Variants in FRMD3 observed in about 807,000 individuals in gnomAD.
FRMD3 encodes FERM domain containing 3.
Under a neutral mutation model 70.2 loss-of-function variants are expected in FRMD3, and 33 were observed. The observed-to-expected ratio is 0.47, with a 90% CI of 0.36 to 0.63. The LOEUF (loss-of-function observed/expected upper bound fraction) is 0.63, where lower values mean the gene tolerates loss of function less well. Among genes scored for constraint, FRMD3 ranks in the 20% least tolerant of loss-of-function variants. The pLI, the probability that FRMD3 is intolerant of heterozygous loss-of-function variation, is 0.00. For missense variants in FRMD3, 632 were observed against 711.4 expected (o/e 0.89, Z 1.27); for synonymous variants, 279 against 255.9 (o/e 1.09, Z -0.86).
chr9:83,392,449 G>A (rs1331355664), intron 1 of FRMD3, among the ~76,000 whole-genome samples: 1 of 152,130 alleles, frequency 6.6e-6, no homozygotes, highest in African/African-American at 2.4e-5. Flanking sequence ...GGAGTCAGGT[G>A]CATGAGGGGC....
intron 1 of FRMD3, among the ~76,000 whole-genome samples, chr9:83,471,353 T>C (rs535565697): frequency 2.0e-5 from 3 of 152,342 alleles, no homozygotes; most frequent in South Asian, 2.1e-4. Flanking sequence ...CAGGCAACTA[T>C]CTTCACGGCT....
chr9:83,521,793 C>T (rs1380853233), intron 1 of FRMD3, among the ~76,000 whole-genome samples: 1 of 152,242 alleles, frequency 6.6e-6, no homozygotes, highest in East Asian at 1.9e-4. Context: ...TAATGCATTT[C>T]TTTCAGTTCC....
chr9:83,459,167 G>A (rs1418787851), intron 1 of FRMD3, among the ~76,000 whole-genome samples: 1 of 152,220 alleles, frequency 6.6e-6, no homozygotes, highest in Non-Finnish European at 1.5e-5. Context: ...ATTGAGTCTT[G>A]TAGAGAATCA....
intron 8 of FRMD3, 114 bp from the exon 9 acceptor site, chr9:83,310,662 G>T (rs984277500): frequency 6.8e-6 from 5 of 736,766 alleles, no homozygotes; most frequent in Non-Finnish European, 1.1e-5. Flanking sequence ...GTGAAACAAG[G>T]TATTATCATT....
At chr9:83,509,002 T>C (rs1247258082) in intron 1 of FRMD3, among the ~76,000 whole-genome samples, 1 of 140,044 alleles carries the variant, frequency 7.1e-6, no homozygotes, top group Non-Finnish European at 1.6e-5. Context: ...ATGCCTTTCC[T>C]TCCCCCCCTC....
At chr9:83,520,013 A>G (rs931772487) in intron 1 of FRMD3, among the ~76,000 whole-genome samples, 23 of 152,174 alleles carry the variant, frequency 1.5e-4, no homozygotes, top group Non-Finnish European at 7.4e-5. Flanking sequence ...GAAAAGGGGA[A>G]GGATAGCATT....
At chr9:83,281,933 G>T (rs540045275) in intron 13 of FRMD3, among the ~76,000 whole-genome samples, 1 of 152,234 alleles carries the variant, frequency 6.6e-6, no homozygotes, top group East Asian at 1.9e-4. Flanking sequence ...AACCACAGAG[G>T]TCACCCATAC....
intron 6 of FRMD3, among the ~76,000 whole-genome samples, chr9:83,318,137 T>G (rs775487759): frequency 6.6e-6 from 1 of 152,216 alleles, no homozygotes; most frequent in Non-Finnish European, 1.5e-5. Flanking sequence ...TCTATATATT[T>G]AGGAGGTACA....
chr9:83,563,214 C>A, the FRMD3 span, among the ~76,000 whole-genome samples: 1 of 152,160 alleles, frequency 6.6e-6, no homozygotes, highest in Non-Finnish European at 1.5e-5. Context: ...ACCCCTACAC[C>A]TCCCAGGATA....
At chr9:83,500,738 TAC>T (rs1829050696) in intron 1 of FRMD3, among the ~76,000 whole-genome samples, 1 of 152,210 alleles carries the variant, frequency 6.6e-6, no homozygotes, top group Non-Finnish European at 1.5e-5. Flanking sequence ...GCCAAATTAA[TAC>T]ATCCTGTGGA....
chr9:83,562,191 C>T, the FRMD3 span, among the ~76,000 whole-genome samples: 1 of 152,188 alleles, frequency 6.6e-6, no homozygotes, highest in Non-Finnish European at 1.5e-5. Flanking sequence ...TAGGTTCCTT[C>T]ACCCAGAAGA....
At chr9:83,248,594 CA>C (rs1832248750) in intron 13 of FRMD3, 78 bp from the exon 14 acceptor site, 1 of 1,420,250 alleles carries the variant, frequency 7.0e-7, no homozygotes. Context: ...AACAGAAAAA[CA>C]AAAAACTAAT....
rs981673841 is a variant in FRMD3 at position 83,409,086 on chromosome 9, C to T, written c.148-19378G>A. Among the ~76,000 whole-genome samples the T allele has an allele frequency of 5.9e-5, 9 of 152,276 alleles. No homozygotes were observed. In the East Asian group the frequency reaches 9.6e-4, roughly 16 times the overall value. ...GTTCCATGCAGGTCAGCAGCATACT[C>T]GGGAAAGCAAAGGTTGTCCATCCCC... On this transcript the variant is annotated intron_variant, in intron 1 of 13. Coordinates refer to ENST00000304195, the MANE Select transcript of FRMD3 (RefSeq NM_174938.6).
intron 10 of FRMD3, among the ~76,000 whole-genome samples, chr9:83,302,637 C>T (rs1336964158): frequency 6.6e-6 from 1 of 152,076 alleles, no homozygotes; most frequent in Non-Finnish European, 1.5e-5. Flanking sequence ...AATCTCAAAC[C>T]TCTTCATCGC....
At chr9:83,556,306 A>G in the FRMD3 span, among the ~76,000 whole-genome samples, 3 of 152,200 alleles carry the variant, frequency 2.0e-5, no homozygotes, top group African/African-American at 7.2e-5. Flanking sequence ...TTCAGCAAAT[A>G]TTGTTTTGGG....
intron 1 of FRMD3, among the ~76,000 whole-genome samples, chr9:83,484,652 A>C (rs1828645314): frequency 6.6e-6 from 1 of 152,326 alleles, no homozygotes; most frequent in East Asian, 1.9e-4. Context: ...TCCCGGCCTC[A>C]AGTGATCCGC....
At chr9:83,352,503 T>C (rs1311410434) in intron 3 of FRMD3, among the ~76,000 whole-genome samples, 2 of 152,196 alleles carry the variant, frequency 1.3e-5, no homozygotes, top group Non-Finnish European at 2.9e-5. Flanking sequence ...TCTCCTTGAC[T>C]ATGTCTGAGT....
chr9:83,464,274 A>T (rs184236782), intron 1 of FRMD3, among the ~76,000 whole-genome samples: 18 of 152,222 alleles, frequency 1.2e-4, no homozygotes, highest in African/African-American at 3.1e-4. Flanking sequence ...CTGATCAAAC[A>T]GGACTCATTC....
chr9:83,320,025 T>C (rs1442306357), intron 6 of FRMD3, among the ~76,000 whole-genome samples: 1 of 152,260 alleles, frequency 6.6e-6, no homozygotes. Flanking sequence ...AAAACTTTAC[T>C]GAATTCATTT....
Sources: gnomAD v4.1 joint callset for allele counts (sites outside exome capture counted in the v4.1 genomes callset) on GRCh38, gnomAD v4.1.1 for gene constraint, MANE v1.5 for transcripts, NCBI Gene and HGNC (gene_info 2026-07-23, HGNC 2026-07-21) for gene names.